Variants in HSPA1B observed in about 807,000 individuals in gnomAD.
HSPA1B encodes heat shock protein family A (Hsp70) member 1B, also known as heat shock 70 kDa protein 1B.
In HSPA1B, 7 loss-of-function variants were observed where a neutral mutation model predicts 9.0. The ratio of observed to expected loss-of-function variants is 0.78; its 90% CI spans 0.44 to 1.46. HSPA1B has a LOEUF of 1.46. Among genes scored for constraint, HSPA1B ranks in the 40% most tolerant of loss-of-function variants. The pLI is 0.01. For synonymous variants in HSPA1B, 125 were observed against 184.5 expected (o/e 0.68, Z 2.61); for missense variants, 199 against 424.5 (o/e 0.47, Z 4.67).
In HSPA1B at chr6:31,830,152, T is replaced by G. The variant is rs955576176; in HGVS notation, c.*276T>G. 620 of 272,444 alleles carry G rather than the reference T, an allele frequency of 2.3e-3. No individual in the cohort carries two copies. The highest frequency in any genetic ancestry group is 9.1e-3 in the African/African-American group (385 of 42,366). 16.9% of individuals were successfully genotyped at this position (272,444 alleles called of 1,614,324 possible). ...CTTCTGTACGAGTTTGTTTGTTTTT[T>G]TTTTTTTTTTTTTTTTTTGCTTGGC... On this transcript the variant is annotated 3_prime_UTR_variant, in exon 1 of 1. Coordinates refer to ENST00000375650, the MANE Select transcript of HSPA1B (RefSeq NM_005346.6).
chr6:31,827,947 C>T lies in HSPA1B; in HGVS notation c.-4C>T, dbSNP rs1237929829. 11 of 1,613,070 alleles carry T rather than the reference C, an allele frequency of 6.8e-6. No homozygotes were observed. Among genetic ancestry groups the T allele is most frequent in the East Asian group, 2.2e-5 (1 of 44,872 alleles). ...GAGCGGAGCCCACAGAGCAGGGCAC[C>T]GGCATGGCCAAAGCCGCGGCGATCG... is the stretch of plus-strand genomic sequence containing the variant. On this transcript the variant is annotated 5_prime_UTR_variant, in exon 1 of 1. Transcript: ENST00000375650.
In HSPA1B at chr6:31,828,112, G is replaced by C; in HGVS notation, c.162G>C (p.Ala54=). 6.3e-7 allele frequency: 1 copy of C among 1,580,896 alleles called. No homozygotes were observed. The highest frequency in any genetic ancestry group is 8.6e-7 in the Non-Finnish European group (1 of 1,165,054). The change falls in exon 1 of 1, where the codon GCG becomes GCC. Residue 54 remains alanine (A), a synonymous_variant. Coordinates refer to ENST00000375650, the MANE Select transcript of HSPA1B (RefSeq NM_005346.6). ...FTDTERLIGD[A]AKNQVALNPQ... ...ACACCGAGCGGCTCATCGGGGATGC[G>C]GCCAAGAACCAGGTGGCGCTGAACC...
chr6:31,828,527 C>G lies in HSPA1B; in HGVS notation c.577C>G (p.Arg193Gly), dbSNP rs1183690924. Residue 193 changes from arginine (R) to glycine (G), a missense_variant, in exon 1 of 1, where the codon CGC (arginine) becomes GGC (glycine). By Grantham distance (125) the Arg-to-Gly change is moderately radical. Around this residue, in one of 5 missense-constraint regions of HSPA1B, gnomAD observed 14 missense variants for 147.2 expected, o/e 0.10. Transcript: ENST00000375650. Reference protein sequence around the residue: ...YGLDRTGKGERNVLIFDLGGG... With the variant: ...YGLDRTGKGEGNVLIFDLGGG... ...CCTGGACAGAACGGGCAAGGGGGAG[C>G]GCAACGTGCTCATCTTTGACCTGGG... The G allele has an allele frequency of 5.2e-6, 1 of 192,074 alleles. No individual in the cohort carries two copies. Among genetic ancestry groups the G allele is most frequent in the African/African-American group, 1.6e-4 (1 of 6,188 alleles). The allele number at this position is 192,074 out of a possible 1,614,324, so 11.9% of individuals were successfully genotyped here. A position where few individuals can be genotyped will look rare whatever the true frequency, so the allele number is the denominator to read the frequency against.
Position 31,829,925 on chromosome 6 carries a change from T to A in HSPA1B, c.*49T>A. 3.8e-6 allele frequency: 6 copies of A among 1,579,426 alleles called. No individual in the cohort carries two copies. Among genetic ancestry groups the A allele is most frequent in the Non-Finnish European group, 5.2e-6 (6 of 1,163,862 alleles). On this transcript the variant is annotated 3_prime_UTR_variant, in exon 1 of 1. Transcript: ENST00000375650. ...TGTCTTTGAGGTGGACTGTTGGGAC[T>A]CAAGGACTTTGCTGCTGTTTTCCTA...
Position 31,827,746 on chromosome 6 carries a change from A to C in HSPA1B, c.-205A>C. On this transcript the variant is annotated 5_prime_UTR_variant, in exon 1 of 1. Coordinates refer to ENST00000375650, the MANE Select transcript of HSPA1B (RefSeq NM_005346.6). ...GGGGCGCGCGGTCCGGAAAACGGCC[A>C]GCCTGAGGAGCTGCTGCGAGGGTCC... The C allele has an allele frequency of 8.3e-7, 1 of 1,203,232 alleles. No homozygotes were observed. The allele number at this position is 1,203,232 out of a possible 1,614,324, so 74.5% of individuals were successfully genotyped here.
In HSPA1B at chr6:31,830,146, GTTTTTTTT is replaced by G. The variant is rs9279427; in HGVS notation, c.*287_*294del. Reference sequence around the variant, plus strand: ...TGCCACCTTCTGTACGAGTTTGTTTGTTTTTTTTTTTTTTTTTTTTTTTTGCTTGGCGA... The same window carrying G: ...TGCCACCTTCTGTACGAGTTTGTTTGTTTTTTTTTTTTTTTTGCTTGGCGA... On this transcript the variant is annotated 3_prime_UTR_variant, in exon 1 of 1. Coordinates refer to ENST00000375650, the MANE Select transcript of HSPA1B (RefSeq NM_005346.6). The G allele has an allele frequency of 8.2e-4, 69 of 84,014 alleles. No individual in the cohort carries two copies. Among genetic ancestry groups the G allele is most frequent in the East Asian group, 1.5e-3 (4 of 2,704 alleles). 5.2% of individuals were successfully genotyped at this position (84,014 alleles called of 1,614,324 possible). A position where few individuals can be genotyped will look rare whatever the true frequency, so the allele number is the denominator to read the frequency against.
Position 31,827,811 on chromosome 6 carries a change from T to TA in HSPA1B, c.-140_-139insA. ...GAGTGACTCCCGCGGTCCCAAGGCT[T>TA]TCCAGAGCGAACCTGTGCGGCTGCA... is the stretch of plus-strand genomic sequence containing the variant. On this transcript the variant is annotated 5_prime_UTR_variant, in exon 1 of 1. Transcript: ENST00000375650. The TA allele has an allele frequency of 7.1e-6, 11 of 1,549,480 alleles. No individual in the cohort carries two copies. Among genetic ancestry groups the TA allele is most frequent in the Non-Finnish European group, 9.7e-6 (11 of 1,139,688 alleles).
rs1442731145 is a variant in HSPA1B, at chr6:31,830,140, TTGTTTG to T, written c.*266_*271del. Reference sequence around the variant, plus strand: ...CAACACTGCCACCTTCTGTACGAGTTTGTTTGTTTTTTTTTTTTTTTTTTTTTTTTG... The same window carrying T: ...CAACACTGCCACCTTCTGTACGAGTTTTTTTTTTTTTTTTTTTTTTTTTTG... On this transcript the variant is annotated 3_prime_UTR_variant, in exon 1 of 1. Coordinates refer to ENST00000375650, the MANE Select transcript of HSPA1B (RefSeq NM_005346.6). The T allele has an allele frequency of 2.6e-5, 6 of 234,702 alleles. No homozygotes were observed. The highest frequency in any genetic ancestry group is 1.3e-4 in the Admixed American group (2 of 15,224). The allele number at this position is 234,702 out of a possible 1,614,324, so 14.5% of individuals were successfully genotyped here.
rs1816925158 is a variant in HSPA1B at position 31,830,048 on chromosome 6, A to G, written c.*172A>G. The G allele has an allele frequency of 2.6e-6, 2 of 781,104 alleles. No individual in the cohort carries two copies. The highest frequency in any genetic ancestry group is 3.6e-5 in the African/African-American group (2 of 56,256). 48.4% of individuals were successfully genotyped at this position (781,104 alleles called of 1,614,324 possible). ...TCATTATTTTTGTAGTACAACCGATATGTTCATTAGAATTCTTTGCATTTA... is the reference window on the plus strand; with the variant it reads ...TCATTATTTTTGTAGTACAACCGATGTGTTCATTAGAATTCTTTGCATTTA... On this transcript the variant is annotated 3_prime_UTR_variant, in exon 1 of 1. Transcript: ENST00000375650.
chr6:31,828,147 C>T lies in HSPA1B; in HGVS notation c.197C>T (p.Thr66Ile). ...KNQVALNPQNTVFDAKRLIGR... is the reference protein window; with the variant it reads ...KNQVALNPQNIVFDAKRLIGR... ...CAGGTGGCGCTGAACCCGCAGAACA[C>T]CGTGTTTGACGCGAAGCGGCTGATT... The change falls in exon 1 of 1, where the codon ACC becomes ATC. Residue 66 changes from threonine to isoleucine, a missense_variant. By Grantham distance (89) the Thr-to-Ile change is moderately conservative. Transcript: ENST00000375650. The T allele has an allele frequency of 6.6e-7, 1 of 1,509,832 alleles. No homozygotes were observed. The highest frequency in any genetic ancestry group is 8.9e-7 in the Non-Finnish European group (1 of 1,121,020). The allele number at this position is 1,509,832 out of a possible 1,614,324, so 93.5% of individuals were successfully genotyped here.
At position 31,827,901 on chromosome 6, in the gene HSPA1B, C is replaced by T. The variant is rs768546865; in HGVS notation, c.-50C>T. ...AGCTCTTGTCGCGGATCCCGTCCGCCGTTTCCAGCCCCCAGTCTCAGAGCG... is the reference window on the plus strand; with the variant it reads ...AGCTCTTGTCGCGGATCCCGTCCGCTGTTTCCAGCCCCCAGTCTCAGAGCG... On this transcript the variant is annotated 5_prime_UTR_variant, in exon 1 of 1. Transcript: ENST00000375650. The T allele has an allele frequency of 6.2e-7, 1 of 1,613,266 alleles. No individual in the cohort carries two copies. Among genetic ancestry groups the T allele is most frequent in the South Asian group, 1.1e-5 (1 of 91,064 alleles).
At position 31,829,899 on chromosome 6, in the gene HSPA1B, T is replaced by C; in HGVS notation, c.*23T>C. Reference sequence around the variant, plus strand: ...TAGGGGCCTTTGTTCTTTAGTATGTTTGTCTTTGAGGTGGACTGTTGGGAC... The same window carrying C: ...TAGGGGCCTTTGTTCTTTAGTATGTCTGTCTTTGAGGTGGACTGTTGGGAC... On this transcript the variant is annotated 3_prime_UTR_variant, in exon 1 of 1. Transcript: ENST00000375650. The C allele has an allele frequency of 6.2e-7, 1 of 1,608,744 alleles. No individual in the cohort carries two copies. The highest frequency in any genetic ancestry group is 8.5e-7 in the Non-Finnish European group (1 of 1,177,802).
At position 31,829,654 on chromosome 6, in the gene HSPA1B, G is replaced by C. The variant is rs757789364; in HGVS notation, c.1704G>C (p.Lys568Asn). The C allele has an allele frequency of 6.2e-7, 1 of 1,612,670 alleles. No individual in the cohort carries two copies. Among genetic ancestry groups the C allele is most frequent in the East Asian group, 2.2e-5 (1 of 44,854 alleles). ...LKGKISEADK[K>N]KVLDKCQEVI... ...GCAAGATCAGCGAGGCGGACAAGAA[G>C]AAGGTTCTGGACAAGTGTCAAGAGG... The change falls in exon 1 of 1, where the codon AAG becomes AAC. Residue 568 changes from lysine to asparagine, a missense_variant. This residue lies in a region of HSPA1B where 67 missense variants were observed against 106.4 expected (regional missense o/e 0.63). Transcript: ENST00000375650.
chr6:31,827,851 G>C lies in HSPA1B; in HGVS notation c.-100G>C, dbSNP rs1816785780. On this transcript the variant is annotated 5_prime_UTR_variant, in exon 1 of 1. Coordinates refer to ENST00000375650, the MANE Select transcript of HSPA1B (RefSeq NM_005346.6). ...GTGCGGCTGCAGGCACCGGCGTGTT[G>C]AGTTTCCGGCGTTCCGAAGGACTGA... 1 of 1,607,908 alleles carries C rather than the reference G, an allele frequency of 6.2e-7. No individual in the cohort carries two copies. The highest frequency in any genetic ancestry group is 8.5e-7 in the Non-Finnish European group (1 of 1,177,456).
chr6:31,830,130 C>A lies in HSPA1B; in HGVS notation c.*254C>A. The stretch of plus-strand genomic sequence containing the variant: ...TTAAATGAATCAACACTGCCACCTT[C>A]TGTACGAGTTTGTTTGTTTTTTTTT... On this transcript the variant is annotated 3_prime_UTR_variant, in exon 1 of 1. Transcript: ENST00000375650. 2.4e-5 allele frequency: 7 copies of A among 288,046 alleles called. No individual in the cohort carries two copies. The highest frequency in any genetic ancestry group is 1.2e-4 in the East Asian group (2 of 16,538). The allele number at this position is 288,046 out of a possible 1,614,324, so 17.8% of individuals were successfully genotyped here. A position where few individuals can be genotyped will look rare whatever the true frequency, so the allele number is the denominator to read the frequency against.
chr6:31,830,142 GTTTGTTTTTTTTTT>G lies in HSPA1B; in HGVS notation c.*270_*283del, dbSNP rs746474434. 2,922 of 114,224 alleles carry G rather than the reference GTTTGTTTTTTTTTT, an allele frequency of 0.026. 47 individuals carry two copies. Among genetic ancestry groups the G allele is most frequent in the Non-Finnish European group, 0.035 (2,316 of 65,706 alleles). 7.1% of individuals were successfully genotyped at this position (114,224 alleles called of 1,614,324 possible). ...ACACTGCCACCTTCTGTACGAGTTT[GTTTGTTTTTTTTTT>G]TTTTTTTTTTTTTTGCTTGGCGAAA... On this transcript the variant is annotated 3_prime_UTR_variant, in exon 1 of 1. Transcript: ENST00000375650.
chr6:31,830,150 T>C lies in HSPA1B; in HGVS notation c.*274T>C. 1 of 182,580 alleles carries C rather than the reference T, an allele frequency of 5.5e-6. No homozygotes were observed. Among genetic ancestry groups the C allele is most frequent in the Non-Finnish European group, 1.1e-5 (1 of 89,832 alleles). 11.3% of individuals were successfully genotyped at this position (182,580 alleles called of 1,614,324 possible). A position where few individuals can be genotyped will look rare whatever the true frequency, so the allele number is the denominator to read the frequency against. On this transcript the variant is annotated 3_prime_UTR_variant, in exon 1 of 1. Transcript: ENST00000375650. The stretch of plus-strand genomic sequence containing the variant: ...ACCTTCTGTACGAGTTTGTTTGTTT[T>C]TTTTTTTTTTTTTTTTTTTTGCTTG...
In HSPA1B at chr6:31,827,788, G is replaced by GT. The variant is rs1816777789; in HGVS notation, c.-162dup. ...CGAGGGTCCGCTTCGTCTTTCGAGA[G>GT]TGACTCCCGCGGTCCCAAGGCTTTC... On this transcript the variant is annotated 5_prime_UTR_variant, in exon 1 of 1. Transcript: ENST00000375650. 6.9e-7 allele frequency: 1 copy of GT among 1,455,456 alleles called. No homozygotes were observed. Among genetic ancestry groups the GT allele is most frequent in the South Asian group, 1.2e-5 (1 of 83,230 alleles). 90.2% of individuals were successfully genotyped at this position (1,455,456 alleles called of 1,614,324 possible).
chr6:31,827,773 CTTCGTCTTTCGA>C lies in HSPA1B; in HGVS notation c.-177_-166del, dbSNP rs922758170. 1.2e-5 allele frequency: 17 copies of C among 1,389,236 alleles called. No homozygotes were observed. The highest frequency in any genetic ancestry group is 1.7e-5 in the Non-Finnish European group (17 of 1,006,870). The allele number at this position is 1,389,236 out of a possible 1,614,324, so 86.1% of individuals were successfully genotyped here. On this transcript the variant is annotated 5_prime_UTR_variant, in exon 1 of 1. Coordinates refer to ENST00000375650, the MANE Select transcript of HSPA1B (RefSeq NM_005346.6). ...CCTGAGGAGCTGCTGCGAGGGTCCG[CTTCGTCTTTCGA>C]GAGTGACTCCCGCGGTCCCAAGGCT... is the stretch of plus-strand genomic sequence containing the variant.
Sources: gnomAD v4.1 joint callset for allele counts on GRCh38, gnomAD v4.1.1 for gene constraint, gnomAD v4.1.1 regional missense constraint, MANE v1.5 for transcripts, NCBI Gene and HGNC (gene_info 2026-07-23, HGNC 2026-07-21) for gene names.